Variants in RB1 observed in about 807,000 individuals in gnomAD.
The protein encoded by RB1 is RB transcriptional corepressor 1, also known as retinoblastoma-associated protein.
In RB1, 18 loss-of-function variants were observed where a neutral mutation model predicts 135.4. The ratio of observed to expected loss-of-function variants is 0.13; its 90% CI spans 0.09 to 0.20. RB1 has a LOEUF of 0.20. RB1 is among the 10% of genes least tolerant of loss of function. The pLI, the probability that RB1 is intolerant of heterozygous loss-of-function variation, is 1.00. For synonymous variants in RB1, 365 were observed against 373.2 expected (o/e 0.98, Z 0.25); for missense variants, 868 against 1,110.0 (o/e 0.78, Z 3.10).
intron 17 of RB1, among the ~76,000 whole-genome samples, chr13:48,397,045 T>C (rs1316554188): frequency 6.6e-6 from 1 of 152,222 alleles, no homozygotes; most frequent in Admixed American, 6.5e-5. Flanking sequence ...ATACTGTTGG[T>C]GGCAGTGTAA....
chr13:48,449,092 A>C (rs907460928), intron 17 of RB1, among the ~76,000 whole-genome samples: 1 of 152,130 alleles, frequency 6.6e-6, no homozygotes, highest in Non-Finnish European at 1.5e-5. Context: ...ATTTGAAAGA[A>C]CTGTTGCGTA....
chr13:48,462,226 T>G (rs998240634), intron 20 of RB1, among the ~76,000 whole-genome samples: 9 of 151,946 alleles, frequency 5.9e-5, no homozygotes, highest in African/African-American at 2.2e-4. Flanking sequence ...CGGGCTCAAG[T>G]GTTCCTCCCA....
intron 18 of RB1, 70 bp downstream of exon 18, chr13:48,453,181 A>G (rs1949339686): frequency 7.1e-7 from 1 of 1,406,556 alleles, no homozygotes; most frequent in African/African-American, 1.4e-5. Context: ...GCAATGTAAC[A>G]TTCTATAAAG....
At chr13:48,430,314 A>G (rs1214576393) in intron 17 of RB1, among the ~76,000 whole-genome samples, 1 of 152,230 alleles carries the variant, frequency 6.6e-6, no homozygotes, top group Non-Finnish European at 1.5e-5. Context: ...AGCAATTTGA[A>G]AAAAAGAGGT....
intron 2 of RB1, among the ~76,000 whole-genome samples, chr13:48,311,906 G>A (rs771847391): frequency 1.1e-4 from 16 of 152,070 alleles, no homozygotes; most frequent in Non-Finnish European, 1.5e-4. Context: ...GGGTTTCACC[G>A]TGTTAGTCAG....
rs146989737 is a variant in RB1 at position 48,322,941 on chromosome 13, A to G, written c.264+15535A>G. On this transcript the variant is annotated intron_variant, in intron 2 of 26. Coordinates refer to ENST00000267163, the MANE Select transcript of RB1 (RefSeq NM_000321.3). ...CTAATTTTTTTTTTTGAGGATTTCT[A>G]TACGTGTATTTATAAGAGATTTTGG... Among the ~76,000 whole-genome samples the G allele has an allele frequency of 5.6e-3, 843 of 151,358 alleles. 5 individuals are homozygous for G. The highest frequency in any genetic ancestry group is 0.01 in the Middle Eastern group (3 of 292).
intron 16 of RB1, 98 bp downstream of exon 16, chr13:48,380,339 G>T: frequency 1.1e-6 from 1 of 885,002 alleles, no homozygotes; most frequent in South Asian, 1.5e-5. Flanking sequence ...TGAGGTTAAG[G>T]AGAAGGAATG....
intron 17 of RB1, among the ~76,000 whole-genome samples, chr13:48,431,480 T>A (rs1949129029): frequency 6.6e-6 from 1 of 152,228 alleles, no homozygotes; most frequent in African/African-American, 2.4e-5. Context: ...TAACAGATAC[T>A]GATACTCAAA....
At chr13:48,340,055 G>A (rs920902806) in intron 2 of RB1, among the ~76,000 whole-genome samples, 9 of 152,142 alleles carry the variant, frequency 5.9e-5, no homozygotes, top group African/African-American at 2.2e-4. Context: ...AATGGAGGAA[G>A]GATATTCTTC....
intron 2 of RB1, chr13:48,320,283 G>A (rs1363947535): frequency 1.9e-5 from 23 of 1,216,412 alleles, no homozygotes; most frequent in Non-Finnish European, 2.7e-5. Flanking sequence ...CGCGCTCATC[G>A]GTGGTGCCCC....
At position 48,317,306 on chromosome 13, in the gene RB1, C is replaced by T. The variant is rs918998702; in HGVS notation, c.264+9900C>T. 2.8e-5 allele frequency: 11 copies of T among 394,372 alleles called. No individual in the cohort carries two copies. The Admixed American group carries it at 4.0e-4, about 14-fold the overall frequency. 24.4% of individuals were successfully genotyped at this position (394,372 alleles called of 1,614,324 possible). A position where few individuals can be genotyped will look rare whatever the true frequency, so the allele number is the denominator to read the frequency against. On this transcript the variant is annotated intron_variant, in intron 2 of 26. Transcript: ENST00000267163. Reference sequence around the variant, plus strand: ...AGGGGTAGGCTGGGCAGGCCCCAGGCGGGGCCCTCGGACCCCTTGTCTTTC... The same window carrying T: ...AGGGGTAGGCTGGGCAGGCCCCAGGTGGGGCCCTCGGACCCCTTGTCTTTC...
chr13:48,356,566 C>G (rs1422150841), intron 6 of RB1, among the ~76,000 whole-genome samples: 1 of 151,978 alleles, frequency 6.6e-6, no homozygotes, highest in Non-Finnish European at 1.5e-5. Flanking sequence ...ACTATCTTCA[C>G]TCTTCCTGGT....
chr13:48,421,698 G>C (rs931227465), intron 17 of RB1, among the ~76,000 whole-genome samples: 4 of 152,182 alleles, frequency 2.6e-5, no homozygotes, highest in Non-Finnish European at 5.9e-5. Flanking sequence ...CCATCAAAAA[G>C]TGGGTGAAGG....
intron 17 of RB1, among the ~76,000 whole-genome samples, chr13:48,425,784 C>A (rs1949070871): frequency 6.6e-6 from 1 of 152,152 alleles, no homozygotes; most frequent in Non-Finnish European, 1.5e-5. Flanking sequence ...CTATAGAATT[C>A]TTTTCAGCTC....
intron 16 of RB1, among the ~76,000 whole-genome samples, chr13:48,380,600 G>C (rs1260653518): frequency 6.6e-6 from 1 of 152,108 alleles, no homozygotes; most frequent in African/African-American, 2.4e-5. Context: ...AACCTCCATG[G>C]TTATGAAACT....
At chr13:48,471,967 T>TATGAAG (rs1402536008) in intron 23 of RB1, among the ~76,000 whole-genome samples, 1 of 152,196 alleles carries the variant, frequency 6.6e-6, no homozygotes, top group Non-Finnish European at 1.5e-5. Flanking sequence ...AAATGATGAG[T>TATGAAG]ATGAAGCTGT....
chr13:48,463,505 G>A (rs1356495745), intron 20 of RB1, among the ~76,000 whole-genome samples: 1 of 152,198 alleles, frequency 6.6e-6, no homozygotes, highest in Non-Finnish European at 1.5e-5. Flanking sequence ...TACAAACCAG[G>A]TGATCAGTCC....
chr13:48,439,460 T>C (rs1438539867), intron 17 of RB1: 5 of 152,198 alleles, frequency 3.3e-5, no homozygotes, highest in Admixed American at 3.3e-4. Context: ...TCAGGCATGA[T>C]AGAAAGATTA....
intron 19 of RB1, among the ~76,000 whole-genome samples, chr13:48,457,170 G>T (rs1321315860): frequency 2.0e-5 from 3 of 152,164 alleles, no homozygotes; most frequent in Non-Finnish European, 4.4e-5. Flanking sequence ...GCTTAGAGAA[G>T]ACCCATAGTG....
Sources: gnomAD v4.1 joint callset for allele counts (sites outside exome capture counted in the v4.1 genomes callset) on GRCh38, gnomAD v4.1.1 for gene constraint, MANE v1.5 for transcripts, NCBI Gene and HGNC (gene_info 2026-07-23, HGNC 2026-07-21) for gene names.